CAMK2B: variants seen among roughly 807,000 people sequenced by gnomAD.
The protein encoded by CAMK2B is calcium/calmodulin-dependent protein kinase type II subunit beta.
CAMK2B carries 27 observed loss-of-function variants against 93.7 expected under a neutral mutation model. The observed-to-expected ratio is 0.29, with a 90% CI of 0.21 to 0.40. The LOEUF is 0.40. Ranked by LOEUF, CAMK2B falls within the 10% of genes least tolerant of loss-of-function variation. The pLI is 1.00. For synonymous variants in CAMK2B, 374 were observed against 358.8 expected, an observed-to-expected ratio of 1.04 and a Z score of -0.48; for missense variants, 568 against 895.8, an observed-to-expected ratio of 0.63 and a Z score of 4.67.
intron 2 of CAMK2B, among the ~76,000 whole-genome samples, chr7:44,269,270 A>G (rs1165507292): frequency 6.6e-6 from 1 of 152,232 alleles, no homozygotes; most frequent in East Asian, 1.9e-4. Context: ...GCACTTGTGC[A>G]TGGCTCCGGG....
chr7:44,240,160 T>G (rs1408729672), intron 12 of CAMK2B, among the ~76,000 whole-genome samples: 1 of 150,998 alleles, frequency 6.6e-6, no homozygotes, highest in African/African-American at 2.4e-5. Flanking sequence ...TCATGCCCGA[T>G]GGGTCTGCCA....
At chr7:44,220,805 C>CA (rs1562765393) in intron 21 of CAMK2B, 21 bp downstream of exon 21, 1 of 1,560,544 alleles carries the variant, frequency 6.4e-7, no homozygotes, top group Admixed American at 1.9e-5. Context: ...GCACAGCCCC[C>CA]CCCCAGCCCC....
At chr7:44,234,557 C>T in intron 14 of CAMK2B, 82 bp downstream of exon 14, 2 of 1,597,216 alleles carry the variant, frequency 1.3e-6, no homozygotes, top group Non-Finnish European at 1.7e-6. Context: ...GAGGGGGACT[C>T]CAGAGCAGGA....
intron 4 of CAMK2B, 21 bp downstream of exon 4, chr7:44,258,851 G>A (rs759780863): frequency 6.2e-7 from 1 of 1,611,718 alleles, no homozygotes; most frequent in Non-Finnish European, 8.5e-7. Context: ...TGCAGCGAGA[G>A]TCCCCAGCTC....
chr7:44,266,543 T>A (rs1584397076), intron 2 of CAMK2B, among the ~76,000 whole-genome samples: 1 of 152,168 alleles, frequency 6.6e-6, no homozygotes, highest in South Asian at 2.1e-4. Flanking sequence ...ATCTTGCTCA[T>A]CCCTCCCTGC....
At chr7:44,243,991 A>G (rs1205369941) in intron 6 of CAMK2B, among the ~76,000 whole-genome samples, 4 of 151,114 alleles carry the variant, frequency 2.6e-5, no homozygotes, top group Non-Finnish European at 5.9e-5. Context: ...CCTGTTTCTC[A>G]CTCCTCAGAG....
chr7:44,257,187 C>T (rs1297243814), intron 4 of CAMK2B, among the ~76,000 whole-genome samples: 1 of 152,170 alleles, frequency 6.6e-6, no homozygotes, highest in Non-Finnish European at 1.5e-5. Flanking sequence ...ACTATGGGGC[C>T]TCAGGGCCTC....
In CAMK2B at chr7:44,317,586, G is replaced by T. The variant is rs574162475; in HGVS notation, c.65+7771C>A. 6.6e-5 allele frequency among the ~76,000 whole-genome samples: 10 copies of T among 152,252 alleles called. No homozygotes were observed. In the South Asian group the frequency reaches 1.2e-3, roughly 19 times the overall value. Reference sequence around the variant, plus strand: ...GCACGAGCCACCGCACCAGGCCTCTGAATGATATTTTGGATATAAAGTTAA... The same window carrying T: ...GCACGAGCCACCGCACCAGGCCTCTTAATGATATTTTGGATATAAAGTTAA... On this transcript the variant is annotated intron_variant, in intron 1 of 23. Transcript: ENST00000395749.
At chr7:44,319,903 T>C (rs1166056477) in intron 1 of CAMK2B, among the ~76,000 whole-genome samples, 1 of 152,186 alleles carries the variant, frequency 6.6e-6, no homozygotes, top group East Asian at 1.9e-4. Flanking sequence ...GGTGATTCCA[T>C]CTGTGTTTTG....
chr7:44,243,393 G>A (rs761352727), intron 7 of CAMK2B, 32 bp downstream of exon 7: 2 of 1,612,214 alleles, frequency 1.2e-6, no homozygotes, highest in Admixed American at 1.7e-5. Context: ...CCTGCCAACT[G>A]CCAGCCAACA....
rs374808974 is a variant in CAMK2B, at chr7:44,228,917, C to T, written c.1347G>A (p.Arg449=). Residue 449 remains arginine, a synonymous_variant, in exon 19 of 24, where the codon AGG becomes AGA. Coordinates refer to ENST00000395749, the MANE Select transcript of CAMK2B (RefSeq NM_001220.5). Reference sequence around the variant, plus strand: ...TCACAGAGTTCAGGATGTCAGAGATCCTGGGGGCTGGGGTGGAACAGATGA... The same window carrying T: ...TCACAGAGTTCAGGATGTCAGAGATTCTGGGGGCTGGGGTGGAACAGATGA... ...PFSPLPAPSP[R]ISDILNSVRR... The T allele has an allele frequency of 6.2e-7, 1 of 1,608,050 alleles. No homozygotes were observed.
At chr7:44,240,557 G>T (rs968740519) in intron 12 of CAMK2B, 150 bp downstream of exon 12, 3 of 844,750 alleles carry the variant, frequency 3.6e-6, no homozygotes, top group Admixed American at 2.2e-5. Context: ...GCGGGGCCAG[G>T]TGGGCAGTGG....
At chr7:44,232,724 A>T in intron 16 of CAMK2B, 98 bp downstream of exon 16, 1 of 1,222,278 alleles carries the variant, frequency 8.2e-7, no homozygotes, top group East Asian at 2.3e-5. Flanking sequence ...GGCATGGGAC[A>T]TCTGCCCTCC....
intron 1 of CAMK2B, among the ~76,000 whole-genome samples, chr7:44,298,139 C>CA (rs1179970115): frequency 1.3e-5 from 2 of 152,124 alleles, no homozygotes; most frequent in East Asian, 3.9e-4. Flanking sequence ...CAAAACAAAA[C>CA]AAAAAACCCA....
intron 5 of CAMK2B, among the ~76,000 whole-genome samples, chr7:44,249,176 T>C (rs1466654405): frequency 6.6e-6 from 1 of 152,184 alleles, no homozygotes; most frequent in Non-Finnish European, 1.5e-5. Context: ...CTCCTCCTTG[T>C]TCCTGAAGGG....
At chr7:44,288,126 G>A (rs1785646887) in intron 1 of CAMK2B, among the ~76,000 whole-genome samples, 4 of 152,148 alleles carry the variant, frequency 2.6e-5, no homozygotes, top group African/African-American at 9.7e-5. Context: ...CAGGGCCTGT[G>A]GGTAGATGGG....
At chr7:44,291,466 C>T (rs963760594) in intron 1 of CAMK2B, among the ~76,000 whole-genome samples, 2 of 152,176 alleles carry the variant, frequency 1.3e-5, no homozygotes, top group Non-Finnish European at 1.5e-5. Context: ...AAAACTAGGT[C>T]TGAGGTGACC....
intron 1 of CAMK2B, among the ~76,000 whole-genome samples, chr7:44,319,932 A>G (rs1341514155): frequency 1.3e-5 from 2 of 152,168 alleles, no homozygotes; most frequent in East Asian, 3.8e-4. Context: ...TATATCTGCT[A>G]TATATGTAGA....
chr7:44,283,747 C>T lies in CAMK2B; in HGVS notation c.160+384G>A, dbSNP rs1435755566. ...AGATGACACCACCCAACCACCATGGCGGCCTGGCCACCTTGAACCTCTTCC... is the reference window on the plus strand; with the variant it reads ...AGATGACACCACCCAACCACCATGGTGGCCTGGCCACCTTGAACCTCTTCC... On this transcript the variant is annotated intron_variant, in intron 2 of 23. Coordinates refer to ENST00000395749, the MANE Select transcript of CAMK2B (RefSeq NM_001220.5). Among the ~76,000 whole-genome samples the T allele has an allele frequency of 3.3e-5, 5 of 152,258 alleles. No individual in the cohort carries two copies. The East Asian group carries it at 5.8e-4, about 18-fold the overall frequency.
Sources: allele counts gnomAD v4.1 joint callset (sites outside exome capture counted in the v4.1 genomes callset), GRCh38; gene constraint gnomAD v4.1.1; transcripts MANE v1.5; gene names NCBI Gene and HGNC (gene_info 2026-07-23, HGNC 2026-07-21).